Variants in SLC9A8 observed in about 807,000 individuals in gnomAD.
The protein encoded by SLC9A8 is sodium/hydrogen exchanger 8.
Under a neutral mutation model 66.6 loss-of-function variants are expected in SLC9A8, and 48 were observed. That is an observed-to-expected ratio of 0.72 (90% confidence interval 0.57 to 0.92). SLC9A8 has a LOEUF of 0.92. SLC9A8 is among the 40% of genes least tolerant of loss of function. SLC9A8 has a pLI of 0.00. For synonymous variants in SLC9A8, 274 were observed against 282.6 expected, an observed-to-expected ratio of 0.97 and a Z score of 0.31; for missense variants, 599 against 747.3, an observed-to-expected ratio of 0.80 and a Z score of 2.31.
intron 14 of SLC9A8, among the ~76,000 whole-genome samples, chr20:49,884,590 G>A (rs982100912): frequency 4.6e-5 from 7 of 152,152 alleles, no homozygotes; most frequent in Non-Finnish European, 1.0e-4. Flanking sequence ...TCAAAATCCT[G>A]TCATTCCCCA....
chr20:49,834,196 T>TAC (rs2146528282), intron 3 of SLC9A8, among the ~76,000 whole-genome samples: 2 of 101,700 alleles, frequency 2.0e-5, no homozygotes, highest in South Asian at 6.2e-4. Flanking sequence ...TATATATATA[T>TAC]ATATATATAT....
intron 3 of SLC9A8, chr20:49,830,284 T>G: frequency 8.8e-7 from 1 of 1,139,428 alleles, no homozygotes; most frequent in Admixed American, 1.7e-5. Context: ...TCTAACTTGC[T>G]AAAAATGGGT....
intron 2 of SLC9A8, among the ~76,000 whole-genome samples, chr20:49,819,201 G>A (rs1230986289): frequency 6.6e-6 from 1 of 152,020 alleles, no homozygotes; most frequent in Non-Finnish European, 1.5e-5. Flanking sequence ...CATTTTATGG[G>A]CCTTGAAACT....
rs11469884 is a variant in SLC9A8 at position 49,831,402 on chromosome 20, A to ACTCTCT, written c.290-8114_290-8109dup. On this transcript the variant is annotated intron_variant, in intron 3 of 15. Transcript: ENST00000361573. The stretch of plus-strand genomic sequence containing the variant: ...TGTGTACACACACAAACACACACAC[A>ACTCTCT]CTCTCTCTCTCTCTCTCTCTCTCTC... Among the ~76,000 whole-genome samples the ACTCTCT allele has an allele frequency of 7.5e-3, 1,070 of 142,824 alleles. 8 individuals are homozygous for ACTCTCT. Among genetic ancestry groups the ACTCTCT allele is most frequent in the African/African-American group, 0.015 (591 of 38,718 alleles). 93.7% of individuals were successfully genotyped at this position (142,824 alleles called of 152,430 possible). A position where few individuals can be genotyped will look rare whatever the true frequency, so the allele number is the denominator to read the frequency against.
intron 13 of SLC9A8, 146 bp downstream of exon 13, chr20:49,881,181 A>C: frequency 3.2e-6 from 2 of 630,232 alleles, no homozygotes; most frequent in South Asian, 1.8e-5. Context: ...TGCAATCAAG[A>C]TGGTGCCCCT....
At chr20:49,867,129 C>A (rs1040935452) in intron 10 of SLC9A8, among the ~76,000 whole-genome samples, 1 of 152,182 alleles carries the variant, frequency 6.6e-6, no homozygotes, top group African/African-American at 2.4e-5. Flanking sequence ...TTATAGGTCA[C>A]ATTTTCTTGC....
rs748378122 is a variant in SLC9A8, at chr20:49,864,859, G to C, written c.958+15G>C. ...CTCACTCTCAGGTAAGTGACAGAGA[G>C]CCTGAAAGTGCTGTGGTGATGGCAT... is the stretch of plus-strand genomic sequence containing the variant. On this transcript the variant is annotated intron_variant, in intron 10 of 15. Transcript: ENST00000361573. The C allele has an allele frequency of 8.6e-6, 13 of 1,513,614 alleles. No individual in the cohort carries two copies. In the South Asian group the frequency reaches 1.5e-4, roughly 17 times the overall value. The allele number at this position is 1,513,614 out of a possible 1,614,324, so 93.8% of individuals were successfully genotyped here.
intron 15 of SLC9A8, 57 bp from the exon 16 acceptor site, chr20:49,887,772 C>G: frequency 1.5e-6 from 2 of 1,371,388 alleles, no homozygotes; most frequent in Admixed American, 4.1e-5. Flanking sequence ...AGCATCCCCT[C>G]CCTTCCATGG....
In SLC9A8 at chr20:49,886,054, C is replaced by T. The variant is rs536982389; in HGVS notation, c.1492-698C>T. On this transcript the variant is annotated intron_variant, in intron 14 of 15. Transcript: ENST00000361573. This position sits in a 1 kb window ranked among gnomAD's most constrained non-coding sequence, Gnocchi z 4.8. ...TTTGACAACCACTGCTTCACAGCAT[C>T]TAAATGCCCTCCCCTCCCCGGCCAT... Among the ~76,000 whole-genome samples, 2 of 152,288 alleles carry T rather than the reference C, an allele frequency of 1.3e-5. No homozygotes were observed. Among genetic ancestry groups the T allele is most frequent in the South Asian group, 2.1e-4 (1 of 4,826 alleles).
intron 5 of SLC9A8, among the ~76,000 whole-genome samples, chr20:49,847,065 A>G (rs1231232375): frequency 6.6e-6 from 1 of 152,236 alleles, no homozygotes. Flanking sequence ...TTCCTGTACT[A>G]AAACAAAAGC....
chr20:49,874,616 GCTCTAGGCCCCAGGGC>G, intron 10 of SLC9A8, 73 bp from the exon 11 acceptor site: 1 of 849,992 alleles, frequency 1.2e-6, no homozygotes, highest in East Asian at 2.4e-5. Context: ...ACCCTCTAAT[GCTCTAGGCCCCAGGGC>G]CTTGCAGGCA....
At chr20:49,867,272 GTGT>G (rs1403398722) in intron 10 of SLC9A8, among the ~76,000 whole-genome samples, 4 of 152,202 alleles carry the variant, frequency 2.6e-5, no homozygotes, top group African/African-American at 9.6e-5. Context: ...TTGTGTGTGT[GTGT>G]TATTTCTGGA....
At chr20:49,851,776 A>G (rs1234628775) in intron 7 of SLC9A8, among the ~76,000 whole-genome samples, 1 of 152,236 alleles carries the variant, frequency 6.6e-6, no homozygotes, top group Admixed American at 6.5e-5. Context: ...ATAAACAAGT[A>G]GTCCTATTCC....
intron 3 of SLC9A8, chr20:49,830,017 A>G: frequency 3.1e-6 from 2 of 646,222 alleles, no homozygotes; most frequent in Non-Finnish European, 6.0e-6. Flanking sequence ...TGATGGCCGG[A>G]CCAGTGGCTG....
intron 3 of SLC9A8, among the ~76,000 whole-genome samples, chr20:49,828,413 G>A (rs1254672885): frequency 6.6e-5 from 10 of 151,042 alleles, no homozygotes; most frequent in Non-Finnish European, 1.0e-4. Context: ...TAGTAGAGAC[G>A]GGGTTTCTTC....
intron 13 of SLC9A8, among the ~76,000 whole-genome samples, chr20:49,882,184 T>C (rs190386981): frequency 0.012 from 1,775 of 152,258 alleles, 21 homozygotes; most frequent in Non-Finnish European, 0.018. Flanking sequence ...CGCAGCTGTG[T>C]CCGCACCTCT....
Position 49,891,609 on chromosome 20 carries a change from G to T in SLC9A8, c.*3673G>T, listed in dbSNP as rs1403305430. On this transcript the variant is annotated 3_prime_UTR_variant, in exon 16 of 16. Coordinates refer to ENST00000361573, the MANE Select transcript of SLC9A8 (RefSeq NM_015266.3). ...TGTGGCCTCTGGTGCCCTTGAGTTG[G>T]TCTCCCCGGCTGCTCTGCGGGGGCT... The T allele has an allele frequency of 6.6e-6, 1 of 152,432 alleles. No homozygotes were observed. The highest frequency in any genetic ancestry group is 1.5e-5 in the Non-Finnish European group (1 of 68,222). The allele number at this position is 152,432 out of a possible 1,614,324, so 9.4% of individuals were successfully genotyped here.
At chr20:49,884,879 G>A (rs2089833577) in intron 14 of SLC9A8, among the ~76,000 whole-genome samples, 1 of 152,248 alleles carries the variant, frequency 6.6e-6, no homozygotes, top group South Asian at 2.1e-4. Context: ...AGAGGCTGCT[G>A]TAGGCTCCAG....
intron 13 of SLC9A8, among the ~76,000 whole-genome samples, chr20:49,882,859 T>C (rs1335474991): frequency 1.3e-5 from 2 of 152,208 alleles, no homozygotes; most frequent in Non-Finnish European, 2.9e-5. Flanking sequence ...ACCATGTCTC[T>C]GTATTATGTG....
Sources: gnomAD v4.1 joint callset for allele counts (sites outside exome capture counted in the v4.1 genomes callset) on GRCh38, gnomAD v4.1.1 for gene constraint, Gnocchi (gnomAD v3.1) non-coding constraint, MANE v1.5 for transcripts, NCBI Gene and HGNC (gene_info 2026-07-23, HGNC 2026-07-21) for gene names.